ERGIC1: variants seen among roughly 807,000 people sequenced by gnomAD.
ERGIC1 encodes the protein endoplasmic reticulum-golgi intermediate compartment 1.
A neutral mutation model predicts 38.3 loss-of-function variants in ERGIC1; 19 were observed. That is an observed-to-expected ratio of 0.50 (90% CI 0.35 to 0.73). The LOEUF is 0.73. Ranked by LOEUF, ERGIC1 falls within the 30% of genes least tolerant of loss-of-function variation. The pLI, the probability that ERGIC1 is intolerant of heterozygous loss-of-function variation, is 0.01. For synonymous variants in ERGIC1, 124 were observed against 157.6 expected (o/e 0.79, Z 1.60); for missense variants, 294 against 389.2 (o/e 0.76, Z 2.06).
At chr5:172,911,590 A>T (rs766646315) in intron 4 of ERGIC1, among the ~76,000 whole-genome samples, 1 of 152,144 alleles carries the variant, frequency 6.6e-6, no homozygotes, top group Non-Finnish European at 1.5e-5. Flanking sequence ...GAAAAAACGC[A>T]TGCTCATCAT....
At chr5:172,915,619 G>A (rs568178785) in intron 5 of ERGIC1, 4 of 471,160 alleles carry the variant, frequency 8.5e-6, no homozygotes, top group South Asian at 4.6e-5. Context: ...AGCACGTGCC[G>A]GCCTTCCTCG....
At chr5:172,893,905 A>ATATGTGTGTGTGTGTGTGTG (rs1173039695) in intron 2 of ERGIC1, among the ~76,000 whole-genome samples, 4 of 15,540 alleles carry the variant, frequency 2.6e-4, no homozygotes, top group Non-Finnish European at 8.5e-4. Context: ...ATATATATAT[A>ATATGTGTGTGTGTGTGTGTG]TGTGTGTGTG....
intron 1 of ERGIC1, among the ~76,000 whole-genome samples, chr5:172,870,458 C>T (rs1387418645): frequency 2.0e-5 from 3 of 152,190 alleles, no homozygotes; most frequent in Non-Finnish European, 2.9e-5. Context: ...ACATGTAAGG[C>T]CTGGCTGTCT....
chr5:172,905,385 C>T (rs1762990702), intron 3 of ERGIC1: 4 of 460,456 alleles, frequency 8.7e-6, no homozygotes, highest in South Asian at 4.7e-5. Flanking sequence ...GAGGCCGATC[C>T]TCCTCGGGCC....
At chr5:172,838,916 G>A (rs1299360711) in intron 1 of ERGIC1, among the ~76,000 whole-genome samples, 1 of 152,180 alleles carries the variant, frequency 6.6e-6, no homozygotes, top group Non-Finnish European at 1.5e-5. Flanking sequence ...TTCCAAGGAA[G>A]CTGACAAGAA....
intron 7 of ERGIC1, among the ~76,000 whole-genome samples, chr5:172,928,363 C>T (rs1763700836): frequency 6.6e-6 from 1 of 152,232 alleles, no homozygotes; most frequent in Non-Finnish European, 1.5e-5. Flanking sequence ...AGCTCAGTCC[C>T]TGGCACTGGG....
chr5:172,949,459 G>A (rs1321626368), intron 9 of ERGIC1, among the ~76,000 whole-genome samples: 1 of 152,200 alleles, frequency 6.6e-6, no homozygotes, highest in African/African-American at 2.4e-5. Flanking sequence ...AACCCACCTG[G>A]CCCAGGGAAG....
intron 1 of ERGIC1, chr5:172,867,423 T>C: frequency 2.5e-6 from 1 of 394,454 alleles, no homozygotes; most frequent in Non-Finnish European, 5.2e-6. Flanking sequence ...CCCGTAACTT[T>C]TCCCTGTCCC....
intron 8 of ERGIC1, 24 bp from the exon 9 acceptor site, chr5:172,935,164 T>G (rs945157864): frequency 6.2e-7 from 1 of 1,613,870 alleles, no homozygotes; most frequent in African/African-American, 1.3e-5. Flanking sequence ...TTTGTACTTC[T>G]GATTCTTATA....
intron 7 of ERGIC1, among the ~76,000 whole-genome samples, chr5:172,928,500 C>G (rs1232840485): frequency 2.6e-5 from 4 of 152,144 alleles, no homozygotes; most frequent in Non-Finnish European, 5.9e-5. Flanking sequence ...TAAAGTAACC[C>G]TCACTCCTAA....
intron 3 of ERGIC1, among the ~76,000 whole-genome samples, chr5:172,905,630 C>T (rs1043725147): frequency 6.6e-6 from 1 of 152,222 alleles, no homozygotes; most frequent in Non-Finnish European, 1.5e-5. Context: ...ATGGGAGCCT[C>T]GCTGAATAAG....
At chr5:172,945,159 A>G (rs1053157054) in intron 9 of ERGIC1, among the ~76,000 whole-genome samples, 3 of 152,330 alleles carry the variant, frequency 2.0e-5, no homozygotes, top group African/African-American at 7.2e-5. Context: ...GGTGAGATTC[A>G]GGGAGCTCCC....
chr5:172,839,566 A>AACAC (rs1554105969), intron 1 of ERGIC1, among the ~76,000 whole-genome samples: 1 of 151,818 alleles, frequency 6.6e-6, no homozygotes, highest in East Asian at 1.9e-4. Flanking sequence ...CCTATCTCAA[A>AACAC]ACACACACAC....
intron 1 of ERGIC1, among the ~76,000 whole-genome samples, chr5:172,867,837 A>G (rs1032659981): frequency 1.3e-5 from 2 of 152,202 alleles, no homozygotes; most frequent in South Asian, 4.1e-4. Flanking sequence ...TTGAGCACCT[A>G]CTGAATGCCA....
chr5:172,874,332 C>T (rs567070967), intron 1 of ERGIC1, among the ~76,000 whole-genome samples: 5 of 152,256 alleles, frequency 3.3e-5, no homozygotes, highest in South Asian at 2.1e-4. Flanking sequence ...CCACCCGCCT[C>T]GGCCTCCCAA....
At chr5:172,851,877 G>A (rs60231175) in intron 1 of ERGIC1, among the ~76,000 whole-genome samples, 15,263 of 152,048 alleles carry the variant, frequency 0.1, 1,158 homozygotes, top group African/African-American at 0.21. Flanking sequence ...AGAGTAATGC[G>A]TTGTTAGTAA....
intron 4 of ERGIC1, among the ~76,000 whole-genome samples, chr5:172,912,915 C>T (rs1763243563): frequency 6.6e-6 from 1 of 152,142 alleles, no homozygotes; most frequent in African/African-American, 2.4e-5. Context: ...ATTACAGGCA[C>T]CTGCCACCAT....
intron 9 of ERGIC1, among the ~76,000 whole-genome samples, chr5:172,938,578 C>G (rs1458196182): frequency 6.6e-6 from 1 of 151,472 alleles, no homozygotes; most frequent in African/African-American, 2.4e-5. Flanking sequence ...ATGGCAAAAC[C>G]TCGTCTCTAG....
At chr5:172,856,899 G>C (rs1212992395) in intron 1 of ERGIC1, among the ~76,000 whole-genome samples, 1 of 152,206 alleles carries the variant, frequency 6.6e-6, no homozygotes, top group Non-Finnish European at 1.5e-5. Context: ...CCTCACGGTT[G>C]TGTGAAACGT....
Sources: allele counts gnomAD v4.1 joint callset (sites outside exome capture counted in the v4.1 genomes callset), GRCh38; gene constraint gnomAD v4.1.1; transcripts MANE v1.5; gene names NCBI Gene and HGNC (gene_info 2026-07-23, HGNC 2026-07-21).